NCOA6: variants seen among roughly 807,000 people sequenced by gnomAD.
The protein encoded by NCOA6 is nuclear receptor coactivator 6, also known as NRC RAP250.
Under a neutral mutation model 171.4 loss-of-function variants are expected in NCOA6, and 49 were observed. That is an observed-to-expected ratio of 0.29 (90% CI 0.23 to 0.36). The LOEUF is 0.36. NCOA6 is among the 10% of genes least tolerant of loss of function. NCOA6 has a pLI of 1.00. For missense variants in NCOA6, 2,248 were observed against 2,554.5 expected, an observed-to-expected ratio of 0.88 and a Z score of 2.59; for synonymous variants, 910 against 927.5, an observed-to-expected ratio of 0.98 and a Z score of 0.34.
intron 12 of NCOA6, among the ~76,000 whole-genome samples, chr20:34,733,265 T>C (rs1280556796): frequency 6.6e-6 from 1 of 152,172 alleles, no homozygotes; most frequent in African/African-American, 2.4e-5. Context: ...CTTTAGGTAG[T>C]TCCATCTTTT....
intron 10 of NCOA6, among the ~76,000 whole-genome samples, chr20:34,745,031 T>C (rs898621876): frequency 1.3e-5 from 2 of 152,108 alleles, no homozygotes; most frequent in African/African-American, 2.4e-5. Flanking sequence ...ATAAGACAGA[T>C]TGGGGCTGAC....
chr20:34,774,764 T>C (rs1242626620), intron 4 of NCOA6, among the ~76,000 whole-genome samples: 1 of 152,186 alleles, frequency 6.6e-6, no homozygotes, highest in Non-Finnish European at 1.5e-5. Flanking sequence ...CTTACATCTC[T>C]CACAGGTTTG....
chr20:34,816,371 T>C (rs1354516790), intron 1 of NCOA6, among the ~76,000 whole-genome samples: 1 of 152,114 alleles, frequency 6.6e-6, no homozygotes. Context: ...AAGTTACTCC[T>C]ACTGGAGTAG....
At chr20:34,762,959 A>G (rs2076861735) in intron 5 of NCOA6, among the ~76,000 whole-genome samples, 1 of 152,170 alleles carries the variant, frequency 6.6e-6, no homozygotes, top group Non-Finnish European at 1.5e-5. Flanking sequence ...CTGGCCTCCA[A>G]TGCTGCTGTT....
intron 1 of NCOA6, among the ~76,000 whole-genome samples, chr20:34,815,291 C>T (rs995872484): frequency 1.3e-5 from 2 of 151,608 alleles, no homozygotes; most frequent in African/African-American, 2.4e-5. Flanking sequence ...GTAAGAGGAT[C>T]GCTTGAGCCT....
Position 34,741,828 on chromosome 20 carries a change from G to A in NCOA6, c.4428C>T (p.Asn1476=), listed in dbSNP as rs757585006. The A allele has an allele frequency of 1.9e-6, 3 of 1,614,182 alleles. No individual in the cohort carries two copies. The highest frequency in any genetic ancestry group is 2.5e-6 in the Non-Finnish European group (3 of 1,180,026). ...TCATAGCAGGAGACACCAAATTTTTGTTCTCTTCGACACTGGGAAGTTTGT... is the reference window on the plus strand; with the variant it reads ...TCATAGCAGGAGACACCAAATTTTTATTCTCTTCGACACTGGGAAGTTTGT... ...DPNKLPSVEE[N]KNLVSPAMRE... The change falls in exon 11 of 15, where the codon AAC becomes AAT. Residue 1476 remains asparagine, a synonymous_variant. Transcript: ENST00000359003.
chr20:34,789,652 A>T (rs942302073), intron 2 of NCOA6, among the ~76,000 whole-genome samples: 4 of 152,124 alleles, frequency 2.6e-5, no homozygotes, highest in Non-Finnish European at 2.9e-5. Context: ...GTGTGCCTGT[A>T]GTCCCAGCAA....
Position 34,776,305 on chromosome 20 carries a change from C to T in NCOA6, c.379G>A (p.Val127Ile), listed in dbSNP as rs1330771895. 19 of 1,613,680 alleles carry T rather than the reference C, an allele frequency of 1.2e-5. No individual in the cohort carries two copies. The highest frequency in any genetic ancestry group is 9.3e-5 in the African/African-American group (7 of 74,920). Reference sequence around the variant, plus strand: ...CAAAGTAAAAGACCTTCAATCTGAACGGAGAGAATCCCTAAATCCCGAAGC... The same window carrying T: ...CAAAGTAAAAGACCTTCAATCTGAATGGAGAGAATCCCTAAATCCCGAAGC... The part of the protein sequence containing the change: ...QQLRDLGILS[V>I]QIEGEGAINL... The change falls in exon 4 of 15, where the codon GTT becomes ATT. Residue 127 changes from valine (V) to isoleucine (I), a missense_variant. Val to Ile is a conservative substitution (Grantham distance 29, BLOSUM62 3). This residue lies in a region of NCOA6 where 987 missense variants were observed against 1,104.7 expected (regional missense o/e 0.89). Coordinates refer to ENST00000359003, the MANE Select transcript of NCOA6 (RefSeq NM_014071.5).
intron 4 of NCOA6, among the ~76,000 whole-genome samples, chr20:34,770,882 G>A (rs1190654557): frequency 6.6e-6 from 1 of 151,320 alleles, no homozygotes; most frequent in Non-Finnish European, 1.5e-5. Flanking sequence ...CGCCTGTCTT[G>A]GCCTCCCAAA....
At chr20:34,807,047 C>G (rs988272999) in intron 1 of NCOA6, among the ~76,000 whole-genome samples, 1 of 152,142 alleles carries the variant, frequency 6.6e-6, no homozygotes, top group African/African-American at 2.4e-5. Flanking sequence ...TGATTTGCTT[C>G]TAACTAACGG....
chr20:34,772,485 C>A lies in NCOA6; in HGVS notation c.391+3808G>T, dbSNP rs551877389. On this transcript the variant is annotated intron_variant, in intron 4 of 14. Coordinates refer to ENST00000359003, the MANE Select transcript of NCOA6 (RefSeq NM_014071.5). ...GAATTATAAGCATTTTTCTATATGA[C>A]AAATTACTTCCTGGAAAACCTCACA... Among the ~76,000 whole-genome samples, 89 of 152,160 alleles carry A rather than the reference C, an allele frequency of 5.8e-4. 1 individual carries two copies. The highest frequency in any genetic ancestry group is 2.1e-3 in the African/African-American group (87 of 41,506).
Position 34,742,341 on chromosome 20 carries a change from T to G in NCOA6, c.3915A>C (p.Leu1305Phe). The G allele has an allele frequency of 6.2e-7, 1 of 1,614,232 alleles. No homozygotes were observed. The change falls in exon 11 of 15, where the codon TTA becomes TTC. Residue 1305 changes from leucine (L) to phenylalanine (F), a missense_variant. By Grantham distance (22) the Leu-to-Phe change is conservative (BLOSUM62 0). Coordinates refer to ENST00000359003, the MANE Select transcript of NCOA6 (RefSeq NM_014071.5). ...SNFATPQTHKLDSVVVNSGKQ... is the reference protein window; with the variant it reads ...SNFATPQTHKFDSVVVNSGKQ... ...TTCCAGAATTCACTACCACAGAATCTAATTTGTGAGTTTGTGGGGTAGCAA... is the reference window on the plus strand; with the variant it reads ...TTCCAGAATTCACTACCACAGAATCGAATTTGTGAGTTTGTGGGGTAGCAA...
At position 34,757,454 on chromosome 20, in the gene NCOA6, GTGAGGAGGCAGGAGAC is replaced by G; in HGVS notation, c.1278_1293del (p.Lys426AsnfsTer61). 6.2e-7 allele frequency: 1 copy of G among 1,613,872 alleles called. No individual in the cohort carries two copies. The highest frequency in any genetic ancestry group is 8.5e-7 in the Non-Finnish European group (1 of 1,179,830). On this transcript the variant is annotated frameshift_variant, in exon 7 of 15. Transcript: ENST00000359003. LOFTEE classifies it high-confidence loss of function. ...GGGGATCCCTGCTGGAAGGAGGAGGGTGAGGAGGCAGGAGACTTGTTGGTGAGGTGGGGCTGCTGCA... is the reference window on the plus strand; with the variant it reads ...GGGGATCCCTGCTGGAAGGAGGAGGGTTGTTGGTGAGGTGGGGCTGCTGCA...
At position 34,768,731 on chromosome 20, in the gene NCOA6, A is replaced by T; in HGVS notation, c.392-145T>A. 8.1e-6 allele frequency: 7 copies of T among 859,976 alleles called. 1 individual carries two copies. In the South Asian group the frequency reaches 1.2e-4, roughly 15 times the overall value. The allele number at this position is 859,976 out of a possible 1,614,324, so 53.3% of individuals were successfully genotyped here. On this transcript the variant is annotated intron_variant, in intron 4 of 14. Transcript: ENST00000359003. ...ACCAGAAAAATGGTGGGTTCAATGT[A>T]GATGGGTCTTTCTTCAACCCATCTA...
rs755548167 is a variant in NCOA6 at position 34,757,709 on chromosome 20, C to A, written c.1039G>T (p.Ala347Ser). Residue 347 changes from alanine (A) to serine (S), a missense_variant, in exon 7 of 15, where the codon GCT becomes TCT. Coordinates refer to ENST00000359003, the MANE Select transcript of NCOA6 (RefSeq NM_014071.5). ...TGTTGCATTGGGCCGGGCAAGGGAG[C>A]CTTCTTCCACCCTTGGTTTGCAGTC... Reference protein sequence around the residue: ...TMTANQGWKKAPLPGPMQQQL... With the variant: ...TMTANQGWKKSPLPGPMQQQL... The A allele has an allele frequency of 5.6e-6, 9 of 1,614,002 alleles. No individual in the cohort carries two copies. In the African/African-American group the frequency reaches 1.1e-4, roughly 19 times the overall value.
intron 5 of NCOA6, among the ~76,000 whole-genome samples, chr20:34,763,434 ATGTTTGATAG>A (rs1484725650): frequency 6.6e-6 from 1 of 152,076 alleles, no homozygotes; most frequent in Non-Finnish European, 1.5e-5. Context: ...ATCTCTCCTT[ATGTTTGATAG>A]TGTCTTGTTT....
At chr20:34,817,393 T>A (rs938818509) in intron 1 of NCOA6, among the ~76,000 whole-genome samples, 2 of 151,952 alleles carry the variant, frequency 1.3e-5, no homozygotes, top group African/African-American at 4.8e-5. Flanking sequence ...ATGAATATTA[T>A]AACTGACATA....
intron 6 of NCOA6, 108 bp from the exon 7 acceptor site, chr20:34,758,212 T>G: frequency 7.2e-7 from 1 of 1,386,870 alleles, no homozygotes; most frequent in Non-Finnish European, 9.7e-7. Flanking sequence ...CTGGTACTAT[T>G]CGATAAAATA....
At chr20:34,746,674 C>A (rs1478719351) in intron 10 of NCOA6, 133 bp downstream of exon 10, 1 of 1,079,506 alleles carries the variant, frequency 9.3e-7, no homozygotes, top group Non-Finnish European at 1.2e-6. Flanking sequence ...TTCCAAATAC[C>A]AGACACATTA....
Sources: allele counts gnomAD v4.1 joint callset (sites outside exome capture counted in the v4.1 genomes callset), GRCh38; gene constraint gnomAD v4.1.1; regional missense constraint gnomAD v4.1.1; transcripts MANE v1.5; gene names NCBI Gene and HGNC (gene_info 2026-07-23, HGNC 2026-07-21).